PHACTR1: variants seen among roughly 807,000 people sequenced by gnomAD.
PHACTR1 encodes the protein phosphatase and actin regulator 1, also known as RPEL repeat containing 1.
Under a neutral mutation model 69.2 loss-of-function variants are expected in PHACTR1, and 16 were observed. The observed-to-expected ratio is 0.23, with a 90% CI of 0.16 to 0.35. PHACTR1 has a LOEUF of 0.35. Among genes scored for constraint, PHACTR1 ranks in the 10% least tolerant of loss-of-function variants. PHACTR1 has a pLI of 1.00. For synonymous variants in PHACTR1, 312 were observed against 284.5 expected, an observed-to-expected ratio of 1.10 and a Z score of -0.97; for missense variants, 510 against 734.7, an observed-to-expected ratio of 0.69 and a Z score of 3.54.
At chr6:12,938,324 G>C (rs1390386868) in intron 4 of PHACTR1, among the ~76,000 whole-genome samples, 1 of 152,076 alleles carries the variant, frequency 6.6e-6, no homozygotes, top group East Asian at 1.9e-4. Context: ...GAAAAAATGA[G>C]ATTTGCCTTC....
intron 8 of PHACTR1, chr6:13,214,036 T>A (rs557278173): frequency 6.6e-6 from 1 of 152,276 alleles, no homozygotes; most frequent in South Asian, 2.1e-4. Flanking sequence ...ACTGTCTCAA[T>A]TATAGAAACA....
At chr6:12,860,018 T>C (rs1780788593) in intron 4 of PHACTR1, among the ~76,000 whole-genome samples, 1 of 152,082 alleles carries the variant, frequency 6.6e-6, no homozygotes, top group South Asian at 2.1e-4. Context: ...ATTATTATTA[T>C]TATTATTAAG....
In PHACTR1 at chr6:13,275,780, G is replaced by C. The variant is rs1778766763; in HGVS notation, c.1448-2488G>C. ...CTGTGCTTCTGTAAATTTTCACCGT[G>C]TGCCCTCTAGCTGTCCCTGGTGACC... On this transcript the variant is annotated intron_variant, in intron 11 of 14. Coordinates refer to ENST00000332995, the MANE Select transcript of PHACTR1 (RefSeq NM_030948.6). This position sits in a 1 kb window ranked among gnomAD's most constrained non-coding sequence, Gnocchi z 4.0. 6.6e-6 allele frequency: 1 copy of C among 152,030 alleles called. No homozygotes were observed. The highest frequency in any genetic ancestry group is 1.5e-5 in the Non-Finnish European group (1 of 68,028). The allele number at this position is 152,030 out of a possible 1,614,324, so 9.4% of individuals were successfully genotyped here.
At chr6:13,225,941 C>T (rs1390896970) in intron 8 of PHACTR1, among the ~76,000 whole-genome samples, 1 of 152,214 alleles carries the variant, frequency 6.6e-6, no homozygotes, top group Non-Finnish European at 1.5e-5. Flanking sequence ...GGCTGCTTTG[C>T]AGGGTGGGCA....
chr6:12,904,284 A>T (rs982616984), intron 4 of PHACTR1, among the ~76,000 whole-genome samples: 1 of 152,138 alleles, frequency 6.6e-6, no homozygotes, highest in Admixed American at 6.5e-5. Context: ...GCAGTGGCTC[A>T]TGCCTGTAAC....
chr6:12,997,244 TTA>T (rs1797532003), intron 4 of PHACTR1, among the ~76,000 whole-genome samples: 1 of 147,978 alleles, frequency 6.8e-6, no homozygotes, highest in South Asian at 2.1e-4. Context: ...AAATATATAT[TTA>T]TATATAAGTA....
chr6:13,228,931 C>T (rs903689195), intron 9 of PHACTR1, among the ~76,000 whole-genome samples: 2 of 152,236 alleles, frequency 1.3e-5, no homozygotes, highest in Admixed American at 1.3e-4. Context: ...AGCCCAAAGC[C>T]ATCCTCAGAC....
At chr6:12,813,683 G>A (rs1775265120) in intron 4 of PHACTR1, among the ~76,000 whole-genome samples, 1 of 152,174 alleles carries the variant, frequency 6.6e-6, no homozygotes, top group South Asian at 2.1e-4. Flanking sequence ...TCTCTTACTA[G>A]TAAACTAAAC....
chr6:13,118,471 A>ATTTTTTTT (rs140486749), intron 5 of PHACTR1, among the ~76,000 whole-genome samples: 1 of 72,812 alleles, frequency 1.4e-5, no homozygotes. Flanking sequence ...AACCAGGGCC[A>ATTTTTTTT]TTTTTTTTTT....
At chr6:12,931,024 A>G (rs1042353792) in intron 4 of PHACTR1, among the ~76,000 whole-genome samples, 2 of 148,416 alleles carry the variant, frequency 1.3e-5, no homozygotes, top group East Asian at 2.0e-4. Flanking sequence ...AAAAAAAAAA[A>G]AAGAAGGTGA....
intron 4 of PHACTR1, among the ~76,000 whole-genome samples, chr6:12,852,478 G>A (rs1377634612): frequency 6.6e-6 from 1 of 152,138 alleles, no homozygotes; most frequent in African/African-American, 2.4e-5. Flanking sequence ...GTTACCCAAA[G>A]TGGCAGAATT....
intron 5 of PHACTR1, among the ~76,000 whole-genome samples, chr6:13,093,835 T>C (rs1038051851): frequency 2.6e-5 from 4 of 152,194 alleles, no homozygotes; most frequent in Non-Finnish European, 5.9e-5. Context: ...CAGAATCTGA[T>C]TTCGAAGAGC....
At chr6:12,918,763 C>T (rs1258298110) in intron 4 of PHACTR1, among the ~76,000 whole-genome samples, 1 of 152,172 alleles carries the variant, frequency 6.6e-6, no homozygotes, top group African/African-American at 2.4e-5. Flanking sequence ...AAAGCACAAT[C>T]CCAGCCAGAC....
Position 13,258,566 on chromosome 6 carries a change from A to G in PHACTR1, c.1392-14294A>G, listed in dbSNP as rs140717523. 1.5e-3 allele frequency among the ~76,000 whole-genome samples: 225 copies of G among 152,338 alleles called. 1 individual carries two copies. Among genetic ancestry groups the G allele is most frequent in the African/African-American group, 4.4e-3 (185 of 41,580 alleles). On this transcript the variant is annotated intron_variant, in intron 10 of 14. Coordinates refer to ENST00000332995, the MANE Select transcript of PHACTR1 (RefSeq NM_030948.6). ...GAGGACCAGCAATGGGCTTGAAGTT[A>G]TAAGTTCAGTGTGGTTTTTGTTCCC...
At chr6:12,898,627 C>T (rs1784909184) in intron 4 of PHACTR1, among the ~76,000 whole-genome samples, 3 of 152,212 alleles carry the variant, frequency 2.0e-5, no homozygotes, top group Non-Finnish European at 4.4e-5. Context: ...GACATTGACT[C>T]GCACTGGGAC....
intron 5 of PHACTR1, among the ~76,000 whole-genome samples, chr6:13,067,232 A>G (rs1808790070): frequency 6.6e-6 from 1 of 152,190 alleles, no homozygotes; most frequent in Non-Finnish European, 1.5e-5. Flanking sequence ...ATATAGTATT[A>G]TTAACTTCAC....
Position 13,236,522 on chromosome 6 carries a change from C to T in PHACTR1, c.1391+6329C>T, listed in dbSNP as rs34373947. On this transcript the variant is annotated intron_variant, in intron 10 of 14. Transcript: ENST00000332995. Reference sequence around the variant, plus strand: ...GTTCCAGGCGTCTCTCCCGGCCTCTCGTGTTTGCTGGGAATCTTTGGTCTT... The same window carrying T: ...GTTCCAGGCGTCTCTCCCGGCCTCTTGTGTTTGCTGGGAATCTTTGGTCTT... Among the ~76,000 whole-genome samples the T allele has an allele frequency of 2.4e-3, 365 of 152,044 alleles. 1 individual carries two copies. Among genetic ancestry groups the T allele is most frequent in the African/African-American group, 7.4e-3 (306 of 41,430 alleles).
At chr6:12,877,217 A>C (rs1305893486) in intron 4 of PHACTR1, among the ~76,000 whole-genome samples, 2 of 152,198 alleles carry the variant, frequency 1.3e-5, no homozygotes, top group Non-Finnish European at 2.9e-5. Context: ...ACAACAAAGC[A>C]AAGCCATTGG....
intron 4 of PHACTR1, among the ~76,000 whole-genome samples, chr6:12,948,127 A>G (rs7741655): frequency 0.068 from 10,363 of 152,266 alleles, 731 homozygotes; most frequent in African/African-American, 0.18. Flanking sequence ...GTTCTGCATC[A>G]TTAGTCAAAA....
Sources: allele counts gnomAD v4.1 joint callset (sites outside exome capture counted in the v4.1 genomes callset), GRCh38; gene constraint gnomAD v4.1.1; non-coding constraint Gnocchi (gnomAD v3.1); transcripts MANE v1.5; gene names NCBI Gene and HGNC (gene_info 2026-07-23, HGNC 2026-07-21).